POLE: variants seen among roughly 807,000 people sequenced by gnomAD.
POLE encodes the protein DNA polymerase epsilon, catalytic subunit, also known as DNA polymerase epsilon catalytic subunit A.
POLE carries 188 observed loss-of-function variants against 279.2 expected under a neutral mutation model. The observed-to-expected ratio is 0.67, with a 90% confidence interval of 0.60 to 0.76. The LOEUF (loss-of-function observed/expected upper bound fraction) is 0.76. Among genes scored for constraint, POLE ranks in the 30% least tolerant of loss-of-function variants. The probability of loss-of-function intolerance (pLI) is 0.00; values close to 1 mark genes in which losing one functional copy is unlikely to be tolerated. For synonymous variants in POLE, 1,214 were observed against 1,172.5 expected (o/e 1.04, Z -0.72); for missense variants, 2,703 against 3,016.7 (o/e 0.90, Z 2.44).
intron 15 of POLE, 32 bp downstream of exon 15, chr12:132,672,595 G>T: frequency 6.2e-7 from 1 of 1,601,352 alleles, no homozygotes; most frequent in South Asian, 1.1e-5. Context: ...CACAAGAGTG[G>T]GAAGAATCTG....
At chr12:132,627,350 C>T (rs766068581) in intron 45 of POLE, among the ~76,000 whole-genome samples, 1 of 152,104 alleles carries the variant, frequency 6.6e-6, no homozygotes, top group Non-Finnish European at 1.5e-5. Context: ...CCAGAATGGA[C>T]TGCAGTGGCA....
At chr12:132,669,958 G>T (rs549677498) in intron 16 of POLE, among the ~76,000 whole-genome samples, 1 of 152,064 alleles carries the variant, frequency 6.6e-6, no homozygotes, top group African/African-American at 2.4e-5. Flanking sequence ...CAGGGAGCCT[G>T]GCGTCCTCAC....
Position 132,661,396 on chromosome 12 carries a change from C to T in POLE, c.2864+131G>A, listed in dbSNP as rs562476670. 8 of 1,089,496 alleles carry T rather than the reference C, an allele frequency of 7.3e-6. No individual in the cohort carries two copies. Among genetic ancestry groups the T allele is most frequent in the African/African-American group, 1.6e-5 (1 of 63,496 alleles). The allele number at this position is 1,089,496 out of a possible 1,614,324, so 67.5% of individuals were successfully genotyped here. On this transcript the variant is annotated intron_variant, in intron 24 of 48. Transcript: ENST00000320574. This position sits in a 1 kb window ranked among gnomAD's most constrained non-coding sequence, Gnocchi z 4.1. Reference sequence around the variant, plus strand: ...GGCGGGCAGACAGAGCTGGTGCAAACGGAATCAGTAAGATCACAAGAACCC... The same window carrying T: ...GGCGGGCAGACAGAGCTGGTGCAAATGGAATCAGTAAGATCACAAGAACCC...
rs761146749 is a variant in POLE, at chr12:132,667,677, G to A, written c.2174-29C>T. The stretch of plus-strand genomic sequence containing the variant: ...AGCACGACGGAGATGGGCAGAGCAG[G>A]TGGGTGAGATCTCCCAGAGCAGAGG... On this transcript the variant is annotated intron_variant, in intron 19 of 48. Coordinates refer to ENST00000320574, the MANE Select transcript of POLE (RefSeq NM_006231.4). The A allele has an allele frequency of 4.2e-5, 68 of 1,612,372 alleles. No homozygotes were observed. The African/African-American group carries it at 4.7e-4, about 11-fold the overall frequency.
Position 132,674,437 on chromosome 12 carries a change from TG to T in POLE, c.1227-731del, listed in dbSNP as rs5744766. 9.0e-3 allele frequency among the ~76,000 whole-genome samples: 1,362 copies of T among 152,160 alleles called. 14 individuals carry two copies. The highest frequency in any genetic ancestry group is 0.031 in the African/African-American group (1,302 of 41,490). Reference sequence around the variant, plus strand: ...TGCGAGCCCAAACCAAGCCTCATGGTGGTCTTCAGGGCCCCCATATGGGTGG... The same window carrying T: ...TGCGAGCCCAAACCAAGCCTCATGGTGTCTTCAGGGCCCCCATATGGGTGG... On this transcript the variant is annotated intron_variant, in intron 12 of 48. Transcript: ENST00000320574.
chr12:132,653,545 A>G (rs1177608753), intron 29 of POLE, among the ~76,000 whole-genome samples: 5 of 152,206 alleles, frequency 3.3e-5, no homozygotes, highest in African/African-American at 9.6e-5. Context: ...CTTGGTATCT[A>G]ATTGTTGCTG....
chr12:132,686,171 C>T (rs917817635), intron 1 of POLE, among the ~76,000 whole-genome samples: 2 of 152,054 alleles, frequency 1.3e-5, no homozygotes, highest in African/African-American at 2.4e-5. Flanking sequence ...GCCACCGCGC[C>T]GGGCCTCATC....
chr12:132,662,825 C>T (rs575692781), intron 23 of POLE, among the ~76,000 whole-genome samples: 1 of 152,192 alleles, frequency 6.6e-6, no homozygotes, highest in Non-Finnish European at 1.5e-5. Flanking sequence ...GAGCAGGAAG[C>T]CACTCCGGTC....
rs774028311 is a variant in POLE at position 132,657,915 on chromosome 12, G to A, written c.3331C>T (p.Arg1111Trp). Reference sequence around the variant, plus strand: ...AGGGAAGAGCTCTTGAGCCATTTCCGGAGAAAGTGCTTCCTCACCGTGGGC... The same window carrying A: ...AGGGAAGAGCTCTTGAGCCATTTCCAGAGAAAGTGCTTCCTCACCGTGGGC... ...AEPTVRKHFL[R>W]KWLKSSSLQD... Residue 1111 changes from arginine to tryptophan, a missense_variant, in exon 27 of 49, where the codon CGG (arginine) becomes TGG (tryptophan). Coordinates refer to ENST00000320574, the MANE Select transcript of POLE (RefSeq NM_006231.4). 6.8e-6 allele frequency: 11 copies of A among 1,614,048 alleles called. No homozygotes were observed. The highest frequency in any genetic ancestry group is 5.5e-5 in the South Asian group (5 of 91,080).
rs146761597 is a variant in POLE, at chr12:132,642,343, G to A, written c.5007C>T (p.Ser1669=). The A allele has an allele frequency of 1.1e-4, 182 of 1,590,450 alleles. No individual in the cohort carries two copies. The highest frequency in any genetic ancestry group is 9.2e-4 in the East Asian group (41 of 44,646). Residue 1669 remains serine, a synonymous_variant, in exon 38 of 49, where the codon TCC becomes TCT. Coordinates refer to ENST00000320574, the MANE Select transcript of POLE (RefSeq NM_006231.4). The part of the protein sequence containing the change: ...NLPEDISTFG[S]DLFFARHLQR... ...GGAGGTGGCGGGCAAAGAAGAGGTC[G>A]GAGCCGAATGTGGAGATGTCCTCTG...
chr12:132,641,104 G>A (rs937861205), intron 39 of POLE: 7 of 455,778 alleles, frequency 1.5e-5, no homozygotes, highest in South Asian at 4.7e-5. Context: ...ACCGCTCCCC[G>A]TCCCTGGGCT....
At chr12:132,628,329 G>C (rs2041875338) in intron 45 of POLE, among the ~76,000 whole-genome samples, 1 of 150,880 alleles carries the variant, frequency 6.6e-6, no homozygotes, top group Non-Finnish European at 1.5e-5. Context: ...GAGAGTGCGA[G>C]ACTCCATCTT....
At chr12:132,644,323 CTTT>C (rs57257940) in intron 32 of POLE, among the ~76,000 whole-genome samples, 8 of 107,706 alleles carry the variant, frequency 7.4e-5, no homozygotes, top group East Asian at 2.7e-4. Context: ...CCACGGATGG[CTTT>C]TTTTTTTTTT....
rs2041949565 is a variant in POLE, at chr12:132,632,350, T to G, written c.6295A>C (p.Asn2099His). The part of the protein sequence containing the change: ...VLPGSHLLLN[N>H]PALEFIKYVC... ...TATTTGATGAACTCCAGGGCAGGGT[T>G]ATTGAGCAGCAAGTGGGAACCGGGG... The change falls in exon 45 of 49, where the codon AAC becomes CAC. Residue 2099 changes from asparagine (N) to histidine (H), a missense_variant. This residue lies in a region of POLE where 1,551 missense variants were observed against 1,686.1 expected (regional missense o/e 0.92). Transcript: ENST00000320574. 1 of 1,614,034 alleles carries G rather than the reference T, an allele frequency of 6.2e-7. No individual in the cohort carries two copies. Among genetic ancestry groups the G allele is most frequent in the African/African-American group, 1.3e-5 (1 of 74,918 alleles).
chr12:132,682,687 C>T (rs1020330182), intron 1 of POLE, among the ~76,000 whole-genome samples: 1 of 152,018 alleles, frequency 6.6e-6, no homozygotes, highest in African/African-American at 2.4e-5. Flanking sequence ...CGCAGTGGCT[C>T]ACAACTGTAA....
chr12:132,641,759 T>A lies in POLE; in HGVS notation c.5266A>T (p.Ile1756Phe), dbSNP rs761812100. 1 of 1,611,240 alleles carries A rather than the reference T, an allele frequency of 6.2e-7. No individual in the cohort carries two copies. The highest frequency in any genetic ancestry group is 8.5e-7 in the Non-Finnish European group (1 of 1,179,970). Reference protein sequence around the residue: ...NDMEGADSMGISFDVIQQASL... With the variant: ...NDMEGADSMGFSFDVIQQASL... Reference sequence around the variant, plus strand: ...GCCTGCTGGATCACGTCGAAGCTGATCCCCATGCTGTCGGCCCCCTCCATG... The same window carrying A: ...GCCTGCTGGATCACGTCGAAGCTGAACCCCATGCTGTCGGCCCCCTCCATG... Residue 1756 changes from isoleucine (I) to phenylalanine (F), a missense_variant, in exon 39 of 49, where the codon ATC (isoleucine) becomes TTC (phenylalanine). By Grantham distance (21) the Ile-to-Phe change is conservative (BLOSUM62 0). This residue lies in a region of POLE where 1,551 missense variants were observed against 1,686.1 expected (regional missense o/e 0.92). Coordinates refer to ENST00000320574, the MANE Select transcript of POLE (RefSeq NM_006231.4).
intron 45 of POLE, among the ~76,000 whole-genome samples, chr12:132,631,837 T>C (rs1357555278): frequency 1.3e-5 from 2 of 152,176 alleles, no homozygotes; most frequent in African/African-American, 4.8e-5. Flanking sequence ...GGCCTTTGCG[T>C]CTTCCCTCCT....
Position 132,668,438 on chromosome 12 carries a change from G to A in POLE, c.2091C>T (p.Pro697=), listed in dbSNP as rs1060504055. The A allele has an allele frequency of 5.6e-6, 9 of 1,611,034 alleles. No homozygotes were observed. The highest frequency in any genetic ancestry group is 7.6e-6 in the Non-Finnish European group (9 of 1,178,342). ...CCCGAGCTGGCCCCTCTGGGAACAA[G>A]GGGGGGAACTTCTCTGACTCCAGCT... ...QHQLESEKFP[P]LFPEGPARAF... Residue 697 remains proline, a synonymous_variant, in exon 19 of 49, where the codon CCC becomes CCT. Transcript: ENST00000320574. The surrounding 1 kb of genome is among the most constrained non-coding windows in gnomAD (Gnocchi z 4.0).
intron 44 of POLE, 22 bp downstream of exon 44, chr12:132,632,642 C>CA: frequency 6.2e-7 from 1 of 1,613,838 alleles, no homozygotes; most frequent in South Asian, 1.1e-5. Flanking sequence ...GCAGTGGCCT[C>CA]AAAAGACAAA....
Sources: gnomAD v4.1 joint callset for allele counts (sites outside exome capture counted in the v4.1 genomes callset) on GRCh38, gnomAD v4.1.1 for gene constraint, gnomAD v4.1.1 regional missense constraint, Gnocchi (gnomAD v3.1) non-coding constraint, MANE v1.5 for transcripts, NCBI Gene and HGNC (gene_info 2026-07-23, HGNC 2026-07-21) for gene names.